PDE4D: variants seen among roughly 807,000 people sequenced by gnomAD.
PDE4D encodes the protein 3',5'-cyclic-AMP phosphodiesterase 4D.
In PDE4D, 24 loss-of-function variants were observed where a neutral mutation model predicts 87.4. The ratio of observed to expected loss-of-function variants is 0.27; its 90% CI spans 0.20 to 0.39. PDE4D has a LOEUF of 0.39. Ranked by LOEUF, PDE4D falls within the 10% of genes least tolerant of loss-of-function variation. The pLI is 1.00. For synonymous variants in PDE4D, 384 were observed against 383.2 expected (o/e 1.00, Z -0.02); for missense variants, 714 against 1,041.0 (o/e 0.69, Z 4.32).
chr5:59,113,688 T>C (rs1773075844), intron 5 of PDE4D, among the ~76,000 whole-genome samples: 1 of 152,202 alleles, frequency 6.6e-6, no homozygotes, highest in Non-Finnish European at 1.5e-5. Flanking sequence ...TTGTGTTAGG[T>C]GACCAATCTT....
chr5:59,673,552 T>C (rs1373981932), intron 1 of PDE4D, among the ~76,000 whole-genome samples: 1 of 152,192 alleles, frequency 6.6e-6, no homozygotes, highest in Non-Finnish European at 1.5e-5. Context: ...AATACAATTG[T>C]CTCATCTTCC....
chr5:59,988,564 C>G (rs1401053227), exon 3 of PDE4D: 7 of 1,599,328 alleles, frequency 4.4e-6, no homozygotes, highest in Non-Finnish European at 4.2e-6. Context: ...TGAATGTTCT[C>G]TGATTCACTT....
At chr5:60,023,594 A>G (rs1354039754) in intron 2 of PDE4D, among the ~76,000 whole-genome samples, 3 of 152,104 alleles carry the variant, frequency 2.0e-5, no homozygotes, top group South Asian at 2.1e-4. Context: ...TTCTTTCTCT[A>G]CTTCTACAGG....
In PDE4D at chr5:60,096,752, G is replaced by A. The variant is rs182954860; in HGVS notation, c.42+88805C>T. 2.6e-5 allele frequency among the ~76,000 whole-genome samples: 4 copies of A among 152,174 alleles called. No homozygotes were observed. The East Asian group carries it at 7.7e-4, about 29-fold the overall frequency. The stretch of plus-strand genomic sequence containing the variant: ...TAAGGCTGAAACCCTGAAAGCTAAT[G>A]ACTGAGGCAATTATGATGTTTCCAG... On this transcript the variant is annotated intron_variant, in intron 2 of 16. Coordinates refer to the PDE4D transcript ENST00000502484.
At position 59,010,528 on chromosome 5, in the gene PDE4D, C is replaced by A. The variant is rs559895653; in HGVS notation, c.922-17063G>T. On this transcript the variant is annotated intron_variant, in intron 6 of 14. Transcript: ENST00000340635. Reference sequence around the variant, plus strand: ...ACCTGGACCTGATTTTTAAATAAATCAAACTCAGTTTAGTTATTTCATGGT... The same window carrying A: ...ACCTGGACCTGATTTTTAAATAAATAAAACTCAGTTTAGTTATTTCATGGT... 1.2e-3 allele frequency among the ~76,000 whole-genome samples: 185 copies of A among 151,980 alleles called. 2 individuals are homozygous for A. Among genetic ancestry groups the A allele is most frequent in the Admixed American group, 2.4e-3 (37 of 15,266 alleles).
chr5:60,494,178 A>C (rs1041390209), intron 1 of PDE4D, among the ~76,000 whole-genome samples: 1 of 152,200 alleles, frequency 6.6e-6, no homozygotes, highest in African/African-American at 2.4e-5. Flanking sequence ...AAAGCTTTGC[A>C]TGGGGCCTGG....
chr5:59,602,636 A>G (rs1381303554), intron 1 of PDE4D, among the ~76,000 whole-genome samples: 1 of 152,024 alleles, frequency 6.6e-6, no homozygotes, highest in Non-Finnish European at 1.5e-5. Context: ...GATTCATTAT[A>G]AGCCCTATCA....
intron 10 of PDE4D, among the ~76,000 whole-genome samples, 187 bp downstream of exon 10, chr5:58,989,568 A>T (rs553243191): frequency 3.0e-4 from 45 of 152,048 alleles, no homozygotes; most frequent in African/African-American, 7.9e-4. Flanking sequence ...TCTGTGACCA[A>T]CTTTCATAAG....
intron 1 of PDE4D, among the ~76,000 whole-genome samples, chr5:59,428,224 T>C (rs528587577): frequency 6.6e-6 from 1 of 152,220 alleles, no homozygotes; most frequent in African/African-American, 2.4e-5. Context: ...TTTATAAGGA[T>C]ATACTTAGCT....
intron 1 of PDE4D, among the ~76,000 whole-genome samples, chr5:59,236,910 C>G (rs1349192251): frequency 6.6e-6 from 1 of 152,140 alleles, no homozygotes; most frequent in Non-Finnish European, 1.5e-5. Context: ...AATTATTTTA[C>G]TTCCTTGAAT....
intron 2 of PDE4D, among the ~76,000 whole-genome samples, chr5:60,169,480 C>A (rs1783219024): frequency 1.3e-5 from 2 of 151,952 alleles, no homozygotes; most frequent in African/African-American, 4.8e-5. Flanking sequence ...TCTTCCCTCA[C>A]AAAGAGCACA....
At chr5:59,274,841 T>C (rs1329762930) in intron 1 of PDE4D, among the ~76,000 whole-genome samples, 1 of 151,892 alleles carries the variant, frequency 6.6e-6, no homozygotes, top group Non-Finnish European at 1.5e-5. Context: ...GATGAATGAA[T>C]GATAAGCAAC....
At chr5:60,416,427 A>C (rs1742569223) in intron 1 of PDE4D, among the ~76,000 whole-genome samples, 3 of 152,020 alleles carry the variant, frequency 2.0e-5, no homozygotes, top group Admixed American at 1.3e-4. Context: ...GAGCTGTAAC[A>C]CTCACTGCAA....
At chr5:60,223,042 T>G (rs756796741) in intron 1 of PDE4D, among the ~76,000 whole-genome samples, 22 of 152,146 alleles carry the variant, frequency 1.4e-4, no homozygotes, top group Non-Finnish European at 2.6e-4. Context: ...AATATGTAAA[T>G]GCTTCCTCTT....
intron 2 of PDE4D, among the ~76,000 whole-genome samples, chr5:60,034,736 A>G (rs574840931): frequency 2.1e-4 from 32 of 152,338 alleles, no homozygotes; most frequent in Non-Finnish European, 3.8e-4. Context: ...TCCGCATGTT[A>G]TTCGTTACAC....
chr5:59,709,360 G>C lies in PDE4D; in HGVS notation c.455+183808C>G, dbSNP rs550894013. The stretch of plus-strand genomic sequence containing the variant: ...GTTATTTCACAGCTGAAAGCCAACT[G>C]ACACTGATTCCTGGGTGGTTTCACT... On this transcript the variant is annotated intron_variant, in intron 1 of 14. Transcript: ENST00000340635. Among the ~76,000 whole-genome samples, 7 of 152,254 alleles carry C rather than the reference G, an allele frequency of 4.6e-5. No homozygotes were observed. In the South Asian group the frequency reaches 1.5e-3, roughly 32 times the overall value.
At chr5:59,566,583 T>TGTGA (rs1554029771) in intron 1 of PDE4D, among the ~76,000 whole-genome samples, 28 of 146,968 alleles carry the variant, frequency 1.9e-4, no homozygotes, top group East Asian at 1.8e-3. Flanking sequence ...TGTGTGTGTG[T>TGTGA]GAGAGAATGA....
chr5:59,981,566 A>C (rs1245690702), intron 3 of PDE4D, among the ~76,000 whole-genome samples: 2 of 152,324 alleles, frequency 1.3e-5, no homozygotes, highest in African/African-American at 4.8e-5. Context: ...AATGTTTCAC[A>C]ATCATGATTA....
chr5:59,786,961 A>C (rs572973244), intron 1 of PDE4D, among the ~76,000 whole-genome samples: 12 of 152,372 alleles, frequency 7.9e-5, no homozygotes, highest in African/African-American at 2.9e-4. Flanking sequence ...ATAAAAACTT[A>C]GCATTTTTTC....
Sources: gnomAD v4.1 joint callset for allele counts (sites outside exome capture counted in the v4.1 genomes callset) on GRCh38, gnomAD v4.1.1 for gene constraint, MANE v1.5 for transcripts, NCBI Gene and HGNC (gene_info 2026-07-23, HGNC 2026-07-21) for gene names.